KIF16B: variants seen among roughly 807,000 people sequenced by gnomAD.
KIF16B encodes the protein kinesin family member 16B.
KIF16B carries 98 observed loss-of-function variants against 156.3 expected under a neutral mutation model. The ratio of observed to expected loss-of-function variants is 0.63; its 90% CI spans 0.53 to 0.74. The LOEUF (loss-of-function observed/expected upper bound fraction) is 0.74. Ranked by LOEUF, KIF16B falls within the 30% of genes least tolerant of loss-of-function variation. The pLI, the probability that KIF16B is intolerant of heterozygous loss-of-function variation, is 0.00. For synonymous variants in KIF16B, 564 were observed against 583.7 expected (o/e 0.97, Z 0.49); for missense variants, 1,421 against 1,606.5 (o/e 0.88, Z 1.97).
intron 10 of KIF16B, among the ~76,000 whole-genome samples, chr20:16,500,282 A>T (rs2068580554): frequency 6.6e-6 from 1 of 152,178 alleles, no homozygotes; most frequent in Non-Finnish European, 1.5e-5. Context: ...AAAGCATTTG[A>T]AACTCTATTT....
chr20:16,306,871 C>T (rs767395239), intron 25 of KIF16B, among the ~76,000 whole-genome samples: 3 of 152,108 alleles, frequency 2.0e-5, no homozygotes, highest in Non-Finnish European at 4.4e-5. Flanking sequence ...ACATTTAATT[C>T]TCAGTACAAC....
chr20:16,430,139 G>A (rs1206161635), intron 12 of KIF16B, among the ~76,000 whole-genome samples, 157 bp from the exon 13 acceptor site: 3 of 152,142 alleles, frequency 2.0e-5, no homozygotes, highest in African/African-American at 7.2e-5. Context: ...AATCCTGGCA[G>A]GTAATAAGCA....
At chr20:16,484,771 C>G (rs544764839) in intron 12 of KIF16B, among the ~76,000 whole-genome samples, 2 of 152,284 alleles carry the variant, frequency 1.3e-5, no homozygotes, top group Non-Finnish European at 2.9e-5. Flanking sequence ...CTCAAGTCAT[C>G]TTCATTGCAA....
chr20:16,368,462 T>C, intron 22 of KIF16B: 2 of 986,314 alleles, frequency 2.0e-6, no homozygotes, highest in African/African-American at 3.5e-5. Flanking sequence ...CTGACGAATG[T>C]TGTTACCTGG....
intron 15 of KIF16B, among the ~76,000 whole-genome samples, chr20:16,423,927 A>G (rs970843368): frequency 1.3e-5 from 2 of 152,078 alleles, no homozygotes; most frequent in African/African-American, 4.8e-5. Flanking sequence ...GTTCCCAAGC[A>G]GGGACTGCCA....
rs1008289689 is a variant in KIF16B, at chr20:16,386,706, G to A, written c.1785-4959C>T. On this transcript the variant is annotated intron_variant, in intron 17 of 25. Coordinates refer to ENST00000354981, the MANE Select transcript of KIF16B (RefSeq NM_024704.5). ...CTGATAGACAGAGAGGTCTCTGAGC[G>A]GGCAGGAAAGGAAAGGGTAGCGCCA... is the stretch of plus-strand genomic sequence containing the variant. Among the ~76,000 whole-genome samples, 14 of 152,014 alleles carry A rather than the reference G, an allele frequency of 9.2e-5. 1 individual carries two copies. Among genetic ancestry groups the A allele is most frequent in the South Asian group, 2.1e-4 (1 of 4,814 alleles).
intron 6 of KIF16B, 105 bp from the exon 7 acceptor site, chr20:16,508,205 C>T: frequency 7.7e-7 from 1 of 1,303,204 alleles, no homozygotes; most frequent in Admixed American, 1.9e-5. Context: ...ATCTGCTGAC[C>T]TGTCTGAAGA....
chr20:16,542,617 C>T (rs947776452), intron 1 of KIF16B, among the ~76,000 whole-genome samples: 1 of 152,118 alleles, frequency 6.6e-6, no homozygotes, highest in Non-Finnish European at 1.5e-5. Flanking sequence ...GATAAAAAAA[C>T]AGCAGGTGTA....
At chr20:16,380,547 C>A (rs1431602918) in intron 18 of KIF16B, among the ~76,000 whole-genome samples, 3 of 152,182 alleles carry the variant, frequency 2.0e-5, no homozygotes, top group Non-Finnish European at 4.4e-5. Context: ...GAAGTTGTTA[C>A]AAGACAACAT....
intron 12 of KIF16B, among the ~76,000 whole-genome samples, chr20:16,445,883 C>T (rs2066917898): frequency 1.3e-5 from 2 of 152,066 alleles, no homozygotes; most frequent in Admixed American, 1.3e-4. Flanking sequence ...TTTTGTGTCT[C>T]TCTTTTTTTC....
intron 1 of KIF16B, among the ~76,000 whole-genome samples, chr20:16,545,529 G>A (rs1014674649): frequency 1.3e-5 from 2 of 152,142 alleles, no homozygotes; most frequent in African/African-American, 4.8e-5. Context: ...GCCAGGTGTG[G>A]TGGCAAGCGC....
Position 16,342,272 on chromosome 20 carries a change from T to C in KIF16B, c.3622-6257A>G, listed in dbSNP as rs118115955. Among the ~76,000 whole-genome samples, 708 of 150,860 alleles carry C rather than the reference T, an allele frequency of 4.7e-3. 4 individuals carry two copies. Among genetic ancestry groups the C allele is most frequent in the Non-Finnish European group, 5.7e-3 (384 of 67,830 alleles). On this transcript the variant is annotated intron_variant, in intron 23 of 25. Transcript: ENST00000354981. ...TCTCTACTTAGGAGATTTTAAGCCTTCTAAGGGTATAAGCTATTTGTCTTT... is the reference window on the plus strand; with the variant it reads ...TCTCTACTTAGGAGATTTTAAGCCTCCTAAGGGTATAAGCTATTTGTCTTT...
intron 1 of KIF16B, among the ~76,000 whole-genome samples, chr20:16,547,606 C>G (rs1038234382): frequency 1.8e-5 from 1 of 56,256 alleles, no homozygotes; most frequent in Non-Finnish European, 3.1e-5. Flanking sequence ...CCCCACCTGC[C>G]TCTGGTCTCA....
At chr20:16,355,504 C>G (rs2064421181) in intron 23 of KIF16B, among the ~76,000 whole-genome samples, 1 of 152,110 alleles carries the variant, frequency 6.6e-6, no homozygotes. Context: ...AACAAAACCA[C>G]CTACAGCCTC....
intron 1 of KIF16B, among the ~76,000 whole-genome samples, chr20:16,529,999 A>C (rs2069686639): frequency 6.6e-6 from 1 of 152,176 alleles, no homozygotes; most frequent in Admixed American, 6.5e-5. Context: ...GAGTAGCAGA[A>C]ACTTCATCTT....
At chr20:16,500,412 C>T (rs992918730) in intron 10 of KIF16B, among the ~76,000 whole-genome samples, 34 of 152,072 alleles carry the variant, frequency 2.2e-4, no homozygotes, top group Non-Finnish European at 2.1e-4. Flanking sequence ...GATCAGCAAT[C>T]TTTTCCCTGG....
At chr20:16,295,452 A>G (rs976393228) in intron 25 of KIF16B, among the ~76,000 whole-genome samples, 16 of 151,468 alleles carry the variant, frequency 1.1e-4, no homozygotes, top group African/African-American at 3.9e-4. Context: ...CTATATAGCT[A>G]TAATCCATAT....
intron 12 of KIF16B, among the ~76,000 whole-genome samples, chr20:16,440,174 G>A (rs1191148291): frequency 2.0e-5 from 3 of 152,114 alleles, no homozygotes; most frequent in Admixed American, 1.3e-4. Context: ...GAGAAGGAGA[G>A]GTCAGGATGG....
rs6111110 is a variant in KIF16B at position 16,427,053 on chromosome 20, T to A, written c.1612+51A>T. 6.2e-3 allele frequency: 9,134 copies of A among 1,483,438 alleles called. 339 individuals are homozygous for A. The African/African-American group carries it at 0.094, about 15-fold the overall frequency. The allele number at this position is 1,483,438 out of a possible 1,614,324, so 91.9% of individuals were successfully genotyped here. On this transcript the variant is annotated intron_variant, in intron 15 of 25. Transcript: ENST00000354981. ...ATGTTCCCCCATTGCCTAGCCAACTTGTTTTCTCAAACAATATATACAAAG... is the reference window on the plus strand; with the variant it reads ...ATGTTCCCCCATTGCCTAGCCAACTAGTTTTCTCAAACAATATATACAAAG...
Sources: gnomAD v4.1 joint callset for allele counts (sites outside exome capture counted in the v4.1 genomes callset) on GRCh38, gnomAD v4.1.1 for gene constraint, MANE v1.5 for transcripts, NCBI Gene and HGNC (gene_info 2026-07-23, HGNC 2026-07-21) for gene names.